The following PBRM1 variants were observed in gnomAD, a reference collection of about 807,000 sequenced individuals.
The protein encoded by PBRM1 is polybromo 1, also known as protein polybromo-1.
A neutral mutation model predicts 194.5 loss-of-function variants in PBRM1; 27 were observed. That is an observed-to-expected ratio of 0.14 (90% CI 0.10 to 0.19). PBRM1 has a LOEUF of 0.19. PBRM1 is among the 10% of genes least tolerant of loss of function. The pLI is 1.00. For missense variants in PBRM1, 1,466 were observed against 2,077.2 expected (o/e 0.71, Z 5.72); for synonymous variants, 655 against 693.2 (o/e 0.94, Z 0.87).
In PBRM1 at chr3:52,593,419, T is replaced by C. The variant is rs563232671; in HGVS notation, c.2780-4164A>G. Among the ~76,000 whole-genome samples the C allele has an allele frequency of 5.9e-5, 9 of 152,304 alleles. No homozygotes were observed. The South Asian group carries it at 1.9e-3, about 32-fold the overall frequency. Reference sequence around the variant, plus strand: ...ACCCAGCTAAATTTTGCATTTTTAGTAGAGAAGAGGTTTTGCCATGTTGGC... The same window carrying C: ...ACCCAGCTAAATTTTGCATTTTTAGCAGAGAAGAGGTTTTGCCATGTTGGC... On this transcript the variant is annotated intron_variant, in intron 17 of 29. Coordinates refer to ENST00000296302, the Ensembl canonical transcript of PBRM1.
intron 6 of PBRM1, among the ~76,000 whole-genome samples, chr3:52,650,385 T>TAA (rs35462727): frequency 0.33 from 39,254 of 119,116 alleles, 6,841 homozygotes; most frequent in Middle Eastern, 0.42. Context: ...AAAAAAACCC[T>TAA]AAAAAAAAAA....
intron 27 of PBRM1, among the ~76,000 whole-genome samples, chr3:52,551,223 A>C (rs1454919685): frequency 6.6e-6 from 1 of 152,214 alleles, no homozygotes; most frequent in South Asian, 2.1e-4. Context: ...AGCAGTAAGC[A>C]ATGTGCTAGG....
intron 5 of PBRM1, among the ~76,000 whole-genome samples, chr3:52,657,155 G>A (rs1358755375): frequency 6.6e-6 from 1 of 152,090 alleles, no homozygotes; most frequent in Non-Finnish European, 1.5e-5. Flanking sequence ...AGAGGGGAGT[G>A]GACTTGGTGT....
chr3:52,571,070 ATC>A (rs1458384544), intron 22 of PBRM1, among the ~76,000 whole-genome samples: 1 of 152,052 alleles, frequency 6.6e-6, no homozygotes, highest in Non-Finnish European at 1.5e-5. Context: ...CATGCCTGTA[ATC>A]TCAGCACTTT....
chr3:52,576,542 G>A (rs943489840), exon 22 of PBRM1: 39 of 1,590,588 alleles, frequency 2.5e-5, no homozygotes, highest in African/African-American at 5.5e-5. Flanking sequence ...AATACCTACC[G>A]AGAATACATG....
intron 11 of PBRM1, among the ~76,000 whole-genome samples, chr3:52,631,837 T>C (rs990598959): frequency 2.0e-5 from 3 of 152,210 alleles, no homozygotes; most frequent in Non-Finnish European, 4.4e-5. Context: ...TCTTTGAAAA[T>C]TTGTAATGTA....
chr3:52,599,193 C>CA (rs1214713663), intron 17 of PBRM1, among the ~76,000 whole-genome samples: 1 of 151,444 alleles, frequency 6.6e-6, no homozygotes, highest in Admixed American at 6.6e-5. Context: ...CCATCACACA[C>CA]AAAAAAAATT....
At chr3:52,602,143 GCT>G (rs139104359) in intron 17 of PBRM1, among the ~76,000 whole-genome samples, 1 of 152,268 alleles carries the variant, frequency 6.6e-6, no homozygotes, top group Non-Finnish European at 1.5e-5. Context: ...TCTAAATGGG[GCT>G]CTCTTTGTGA....
At chr3:52,639,868 C>T (rs546863260) in intron 10 of PBRM1, among the ~76,000 whole-genome samples, 2 of 152,076 alleles carry the variant, frequency 1.3e-5, no homozygotes, top group African/African-American at 4.8e-5. Flanking sequence ...AGTGTACCAG[C>T]CTGCATTGTT....
chr3:52,615,084 T>C (rs1035708546), intron 15 of PBRM1, among the ~76,000 whole-genome samples: 2 of 152,204 alleles, frequency 1.3e-5, no homozygotes, highest in Non-Finnish European at 2.9e-5. Context: ...CAGAAAAATC[T>C]ATTCTTACTA....
At chr3:52,573,216 T>C (rs1173396538) in intron 22 of PBRM1, among the ~76,000 whole-genome samples, 2 of 152,186 alleles carry the variant, frequency 1.3e-5, no homozygotes, top group Non-Finnish European at 2.9e-5. Context: ...TCCAGGGTCA[T>C]GTTGAAAATT....
At chr3:52,619,922 A>T (rs984945885) in intron 13 of PBRM1, among the ~76,000 whole-genome samples, 1 of 152,342 alleles carries the variant, frequency 6.6e-6, no homozygotes, top group East Asian at 1.9e-4. Flanking sequence ...GATCATCCTC[A>T]TAACTTGTGT....
At chr3:52,624,796 T>C in intron 13 of PBRM1, 101 bp downstream of exon 15, 1 of 783,840 alleles carries the variant, frequency 1.3e-6, no homozygotes, top group South Asian at 1.6e-5. Context: ...AAAGACTTTT[T>C]TTCACATGCT....
intron 5 of PBRM1, among the ~76,000 whole-genome samples, chr3:52,657,567 T>C (rs2096631460): frequency 6.6e-6 from 1 of 151,270 alleles, no homozygotes; most frequent in South Asian, 2.1e-4. Context: ...CCTCCCAGGT[T>C]CAAGCAATTC....
intron 16 of PBRM1, among the ~76,000 whole-genome samples, chr3:52,608,696 G>A (rs578231708): frequency 6.6e-6 from 1 of 151,074 alleles, no homozygotes; most frequent in Non-Finnish European, 1.5e-5. Flanking sequence ...TGTAATTGCT[G>A]AATTTAATAG....
intron 7 of PBRM1, 31 bp from the exon 9 acceptor site, chr3:52,644,820 A>C (rs1170769833): frequency 9.2e-7 from 1 of 1,091,064 alleles, no homozygotes; most frequent in South Asian, 1.3e-5. Flanking sequence ...GGTTTAAAAA[A>C]GGAACAGATA....
At chr3:52,614,151 T>C (rs1316336886) in intron 15 of PBRM1, among the ~76,000 whole-genome samples, 1 of 151,940 alleles carries the variant, frequency 6.6e-6, no homozygotes. Flanking sequence ...GGCAGGCAAA[T>C]CACTTGAGGT....
intron 1 of PBRM1, chr3:52,684,731 A>C (rs1429979182): frequency 6.6e-6 from 1 of 152,202 alleles, no homozygotes; most frequent in East Asian, 1.9e-4. Flanking sequence ...CAATTTACTT[A>C]TCTTGGGAAT....
At chr3:52,662,598 C>G (rs2096746434) in intron 3 of PBRM1, among the ~76,000 whole-genome samples, 1 of 152,110 alleles carries the variant, frequency 6.6e-6, no homozygotes, top group African/African-American at 2.4e-5. Context: ...GAGGCCAAGG[C>G]AGGTGGATCA....
Sources: allele counts gnomAD v4.1 joint callset (sites outside exome capture counted in the v4.1 genomes callset), GRCh38; gene constraint gnomAD v4.1.1; transcripts MANE v1.5; gene names NCBI Gene and HGNC (gene_info 2026-07-23, HGNC 2026-07-21).